QTMAN: variants seen among roughly 807,000 people sequenced by gnomAD.
The protein encoded by QTMAN is queuosine-tRNA mannosyltransferase, also known as tRNA-queuosine alpha-mannosyltransferase.
At chr2:144,112,910 C>T in the QTMAN span, among the ~76,000 whole-genome samples, 2 of 152,084 alleles carry the variant, frequency 1.3e-5, no homozygotes, top group African/African-American at 2.4e-5. Context: ...AGAACTCAGA[C>T]GTCCACCCCC....
the QTMAN span, among the ~76,000 whole-genome samples, chr2:143,976,312 G>A: frequency 1.3e-5 from 2 of 152,012 alleles, no homozygotes; most frequent in African/African-American, 2.4e-5. Context: ...CAAACTCATC[G>A]GATAATAGAT....
chr2:144,125,669 A>G, the QTMAN span, among the ~76,000 whole-genome samples: 3 of 152,138 alleles, frequency 2.0e-5, no homozygotes, highest in African/African-American at 7.2e-5. Context: ...GACATACAGT[A>G]CAACTGCTTA....
the QTMAN span, among the ~76,000 whole-genome samples, chr2:144,255,005 G>GT: frequency 6.6e-6 from 1 of 152,232 alleles, no homozygotes; most frequent in Non-Finnish European, 1.5e-5. Flanking sequence ...TAACTAGGAA[G>GT]TAACTAACTT....
chr2:144,212,599 T>C, the QTMAN span, among the ~76,000 whole-genome samples: 3 of 152,218 alleles, frequency 2.0e-5, no homozygotes, highest in Admixed American at 1.3e-4. Flanking sequence ...CCTTTCTGCA[T>C]GGCGCTCAGA....
the QTMAN span, among the ~76,000 whole-genome samples, chr2:144,294,210 T>C: frequency 2.6e-5 from 4 of 152,230 alleles, no homozygotes; most frequent in Non-Finnish European, 5.9e-5. Flanking sequence ...TGTATTATTT[T>C]AGTTGATTTC....
the QTMAN span, among the ~76,000 whole-genome samples, chr2:143,993,711 C>A: frequency 1.3e-5 from 2 of 152,022 alleles, no homozygotes; most frequent in African/African-American, 2.4e-5. Context: ...TTCTGGCCTC[C>A]AGAACTGTAA....
the QTMAN span, among the ~76,000 whole-genome samples, chr2:144,010,555 G>C: frequency 2.6e-5 from 4 of 152,046 alleles, no homozygotes; most frequent in Non-Finnish European, 5.9e-5. Flanking sequence ...TTGATTCAGC[G>C]AACTGATGCC....
At chr2:144,147,184 G>GGCAC in the QTMAN span, among the ~76,000 whole-genome samples, 1 of 151,420 alleles carries the variant, frequency 6.6e-6, no homozygotes, top group African/African-American at 2.4e-5. Flanking sequence ...GGCTAAAAGA[G>GGCAC]GCACACAAGA....
the QTMAN span, among the ~76,000 whole-genome samples, chr2:144,307,474 CCTACTCT>C: frequency 1.3e-5 from 2 of 152,128 alleles, no homozygotes; most frequent in Non-Finnish European, 2.9e-5. Flanking sequence ...TAAACAGTGT[CCTACTCT>C]GTGCTTTAAC....
the QTMAN span, among the ~76,000 whole-genome samples, chr2:144,143,661 G>T: frequency 8.6e-5 from 13 of 151,860 alleles, no homozygotes; most frequent in South Asian, 2.1e-4. Context: ...AAGCAATAAG[G>T]AAGCTAATAT....
the QTMAN span, among the ~76,000 whole-genome samples, chr2:144,005,387 T>C: frequency 6.6e-6 from 1 of 152,100 alleles, no homozygotes; most frequent in African/African-American, 2.4e-5. Flanking sequence ...CTGCGGATGA[T>C]GCATAGCAGT....
At chr2:144,141,988 T>G in the QTMAN span, 1 of 1,610,852 alleles carries the variant, frequency 6.2e-7, no homozygotes, top group Non-Finnish European at 8.5e-7. Context: ...TTCATAAATT[T>G]TCCCATGGAA....
the QTMAN span, among the ~76,000 whole-genome samples, chr2:144,074,411 G>A: frequency 6.6e-6 from 1 of 152,192 alleles, no homozygotes; most frequent in African/African-American, 2.4e-5. Flanking sequence ...TTCTAGCTAT[G>A]CAAACTAAAG....
the QTMAN span, among the ~76,000 whole-genome samples, chr2:144,125,496 C>T: frequency 1.3e-5 from 2 of 151,978 alleles, no homozygotes; most frequent in East Asian, 3.9e-4. Context: ...CGTACCCTAA[C>T]CTGCTGTGTA....
chr2:144,270,670 G>A, the QTMAN span, among the ~76,000 whole-genome samples: 2 of 151,724 alleles, frequency 1.3e-5, no homozygotes, highest in East Asian at 3.9e-4. Context: ...GGGGGGCAAG[G>A]GGAGGGATAG....
At chr2:144,272,574 A>G in the QTMAN span, among the ~76,000 whole-genome samples, 1 of 152,216 alleles carries the variant, frequency 6.6e-6, no homozygotes, top group Non-Finnish European at 1.5e-5. Flanking sequence ...TGTTGCTAAT[A>G]AAACTGTTTG....
At chr2:144,247,541 C>G in the QTMAN span, among the ~76,000 whole-genome samples, 1 of 152,096 alleles carries the variant, frequency 6.6e-6, no homozygotes, top group Non-Finnish European at 1.5e-5. Flanking sequence ...AAGACCATAA[C>G]ATAAAGTCAA....
the QTMAN span, among the ~76,000 whole-genome samples, chr2:144,083,486 A>T: frequency 6.6e-6 from 1 of 152,172 alleles, no homozygotes; most frequent in Non-Finnish European, 1.5e-5. Flanking sequence ...GAATTCCTGA[A>T]GTATAAAAAT....
the QTMAN span, among the ~76,000 whole-genome samples, chr2:144,154,137 C>T: frequency 1.3e-5 from 2 of 152,096 alleles, no homozygotes; most frequent in Non-Finnish European, 2.9e-5. Flanking sequence ...ATAAGTGGTA[C>T]AAAGAAGAAC....
Sources: gnomAD v4.1 joint callset for allele counts (sites outside exome capture counted in the v4.1 genomes callset) on GRCh38, gnomAD v4.1.1 for gene constraint, MANE v1.5 for transcripts, NCBI Gene and HGNC (gene_info 2026-07-23, HGNC 2026-07-21) for gene names.